Variants in IGF1R observed in about 807,000 individuals in gnomAD.
IGF1R encodes insulin-like growth factor 1 receptor.
Under a neutral mutation model 144.6 loss-of-function variants are expected in IGF1R, and 44 were observed. That is an observed-to-expected ratio of 0.30 (90% CI 0.24 to 0.39). The LOEUF is 0.39. IGF1R is among the 10% of genes least tolerant of loss of function. The probability of loss-of-function intolerance (pLI) is 1.00; values close to 1 mark genes in which losing one functional copy is unlikely to be tolerated. For synonymous variants in IGF1R, 795 were observed against 722.8 expected, an observed-to-expected ratio of 1.10 and a Z score of -1.60; for missense variants, 1,355 against 1,833.7, an observed-to-expected ratio of 0.74 and a Z score of 4.77.
At chr15:98,894,505 T>A (rs747422388) in intron 3 of IGF1R, among the ~76,000 whole-genome samples, 19 of 152,202 alleles carry the variant, frequency 1.2e-4, no homozygotes, top group Admixed American at 6.5e-5. Flanking sequence ...GAACAAACCA[T>A]TGAAGTACAC....
chr15:98,904,926 G>T (rs1274970987), intron 5 of IGF1R, among the ~76,000 whole-genome samples: 1 of 152,214 alleles, frequency 6.6e-6, no homozygotes, highest in Non-Finnish European at 1.5e-5. Context: ...TTTGTGGGGT[G>T]ATTAAAAGCT....
intron 2 of IGF1R, among the ~76,000 whole-genome samples, chr15:98,730,520 G>C (rs973031769): frequency 6.6e-6 from 1 of 152,164 alleles, no homozygotes; most frequent in African/African-American, 2.4e-5. Flanking sequence ...TCTCAGCTGA[G>C]TGCCCCATAC....
chr15:98,772,510 A>ATTATTGTTG (rs60796484), intron 2 of IGF1R, among the ~76,000 whole-genome samples: 3 of 141,948 alleles, frequency 2.1e-5, no homozygotes, highest in Non-Finnish European at 4.6e-5. Flanking sequence ...TATTATTATT[A>ATTATTGTTG]TTATTTTAAG....
At chr15:98,923,501 T>G (rs2015578100) in intron 11 of IGF1R, among the ~76,000 whole-genome samples, 2 of 152,268 alleles carry the variant, frequency 1.3e-5, no homozygotes, top group Non-Finnish European at 2.9e-5. Context: ...CACAAAGCTT[T>G]CTTTTTTCAA....
At chr15:98,747,521 AT>A (rs2054899746) in intron 2 of IGF1R, among the ~76,000 whole-genome samples, 1 of 152,172 alleles carries the variant, frequency 6.6e-6, no homozygotes, top group Non-Finnish European at 1.5e-5. Flanking sequence ...AGGGTAAGTT[AT>A]TTTTGGTGCC....
chr15:98,716,430 T>C (rs2054118363), intron 2 of IGF1R, among the ~76,000 whole-genome samples: 1 of 152,154 alleles, frequency 6.6e-6, no homozygotes, highest in Admixed American at 6.5e-5. Flanking sequence ...AATTTGGGAA[T>C]CAGGGTTTAA....
intron 1 of IGF1R, among the ~76,000 whole-genome samples, chr15:98,656,239 G>A (rs1471648806): frequency 2.0e-5 from 3 of 152,146 alleles, no homozygotes; most frequent in African/African-American, 2.4e-5. Context: ...ACACTGCAGC[G>A]ATAGCTGGGC....
intron 2 of IGF1R, among the ~76,000 whole-genome samples, chr15:98,793,545 C>G (rs1403232102): frequency 6.6e-6 from 1 of 152,200 alleles, no homozygotes; most frequent in Non-Finnish European, 1.5e-5. Flanking sequence ...TATCCCAGTG[C>G]TTCTCTATAC....
intron 1 of IGF1R, among the ~76,000 whole-genome samples, chr15:98,700,629 T>G (rs1316154984): frequency 6.6e-6 from 1 of 152,202 alleles, no homozygotes. Flanking sequence ...TCCCACACAC[T>G]TGTCTCAGTC....
chr15:98,879,011 A>AG (rs560545899), intron 2 of IGF1R, among the ~76,000 whole-genome samples: 1 of 151,754 alleles, frequency 6.6e-6, no homozygotes, highest in African/African-American at 2.4e-5. Context: ...AAAAAAAAAT[A>AG]GGGGGGATGT....
chr15:98,868,718 A>T (rs545070379), intron 2 of IGF1R, among the ~76,000 whole-genome samples: 2 of 152,242 alleles, frequency 1.3e-5, no homozygotes, highest in Middle Eastern at 6.8e-3. Flanking sequence ...GAAGATGGGA[A>T]CGGCAGGCCC....
At chr15:98,938,357 T>C (rs1261462623) in intron 17 of IGF1R, among the ~76,000 whole-genome samples, 2 of 152,208 alleles carry the variant, frequency 1.3e-5, no homozygotes, top group Admixed American at 6.5e-5. Context: ...TGCACTTGTA[T>C]ATGCAAAAGT....
chr15:98,902,565 G>A (rs1177630819), intron 5 of IGF1R, among the ~76,000 whole-genome samples: 3 of 148,234 alleles, frequency 2.0e-5, no homozygotes, highest in Admixed American at 6.8e-5. Context: ...TTACTGGCAC[G>A]CACCACCACG....
At chr15:98,789,509 T>A (rs1231794712) in intron 2 of IGF1R, among the ~76,000 whole-genome samples, 1 of 152,170 alleles carries the variant, frequency 6.6e-6, no homozygotes, top group Non-Finnish European at 1.5e-5. Context: ...TGACGCCGAG[T>A]CCTCGCCTTA....
At chr15:98,776,225 C>T (rs2055711208) in intron 2 of IGF1R, among the ~76,000 whole-genome samples, 1 of 151,262 alleles carries the variant, frequency 6.6e-6, no homozygotes, top group Non-Finnish European at 1.5e-5. Context: ...TACTCTGTCG[C>T]CCAGGCTGGA....
rs534307066 is a variant in IGF1R at position 98,935,961 on chromosome 15, G to T, written c.3297+535G>T. Among the ~76,000 whole-genome samples the T allele has an allele frequency of 6.6e-6, 1 of 152,304 alleles. No individual in the cohort carries two copies. The highest frequency in any genetic ancestry group is 2.1e-4 in the South Asian group (1 of 4,826). Reference sequence around the variant, plus strand: ...TGTGGCAGGCACTCTGTCAATAAATGTATGTTACAGTTCAAGGTTAAGCTG... The same window carrying T: ...TGTGGCAGGCACTCTGTCAATAAATTTATGTTACAGTTCAAGGTTAAGCTG... On this transcript the variant is annotated intron_variant, in intron 17 of 20. Coordinates refer to ENST00000650285, the MANE Select transcript of IGF1R (RefSeq NM_000875.5). The surrounding 1 kb of genome is among the most constrained non-coding windows in gnomAD (Gnocchi z 4.2).
intron 2 of IGF1R, among the ~76,000 whole-genome samples, chr15:98,750,662 A>G (rs2054988160): frequency 6.6e-6 from 1 of 152,240 alleles, no homozygotes; most frequent in Non-Finnish European, 1.5e-5. Flanking sequence ...TGTCTCTTAA[A>G]GAAAATAATT....
chr15:98,754,539 C>A (rs904078761), intron 2 of IGF1R, among the ~76,000 whole-genome samples: 1 of 152,166 alleles, frequency 6.6e-6, no homozygotes, highest in Non-Finnish European at 1.5e-5. Context: ...CTTTGACTCA[C>A]GCTGGCAGCT....
intron 15 of IGF1R, among the ~76,000 whole-genome samples, chr15:98,933,266 T>C (rs927237993): frequency 3.3e-5 from 5 of 152,212 alleles, no homozygotes; most frequent in Non-Finnish European, 5.9e-5. Context: ...GTGTTTGGTT[T>C]TGTTTTCTTT....
Sources: allele counts gnomAD v4.1 joint callset (sites outside exome capture counted in the v4.1 genomes callset), GRCh38; gene constraint gnomAD v4.1.1; non-coding constraint Gnocchi (gnomAD v3.1); transcripts MANE v1.5; gene names NCBI Gene and HGNC (gene_info 2026-07-23, HGNC 2026-07-21).